Variants in NR3C2 observed in about 807,000 individuals in gnomAD.
The protein encoded by NR3C2 is nuclear receptor subfamily 3 group C member 2, also known as mineralocorticoid receptor.
Under a neutral mutation model 86.4 loss-of-function variants are expected in NR3C2, and 15 were observed. That is an observed-to-expected ratio of 0.17 (90% confidence interval 0.12 to 0.27). The LOEUF is 0.27. Among genes scored for constraint, NR3C2 ranks in the 10% least tolerant of loss-of-function variants. The pLI, the probability that NR3C2 is intolerant of heterozygous loss-of-function variation, is 1.00. For synonymous variants in NR3C2, 458 were observed against 450.5 expected (o/e 1.02, Z -0.21); for missense variants, 960 against 1,195.6 (o/e 0.80, Z 2.91).
chr4:148,365,587 T>C (rs1395571104), intron 2 of NR3C2, among the ~76,000 whole-genome samples: 1 of 152,116 alleles, frequency 6.6e-6, no homozygotes, highest in Non-Finnish European at 1.5e-5. Flanking sequence ...TATTTTAAAA[T>C]GTGATACAGT....
At chr4:148,318,732 T>C (rs1379469994) in intron 2 of NR3C2, among the ~76,000 whole-genome samples, 3 of 152,134 alleles carry the variant, frequency 2.0e-5, no homozygotes, top group Non-Finnish European at 4.4e-5. Context: ...TGTTTGTTTT[T>C]TTCTTGTAAA....
chr4:148,085,265 G>C (rs1730760071), intron 8 of NR3C2, among the ~76,000 whole-genome samples: 1 of 152,110 alleles, frequency 6.6e-6, no homozygotes, highest in Non-Finnish European at 1.5e-5. Context: ...ACACTCCTTA[G>C]CAAATGCAAA....
At chr4:148,303,190 C>A (rs1045123167) in intron 2 of NR3C2, among the ~76,000 whole-genome samples, 5 of 152,136 alleles carry the variant, frequency 3.3e-5, no homozygotes, top group African/African-American at 1.2e-4. Context: ...AAAACTTTCA[C>A]ATTTGACATT....
At position 148,080,836 on chromosome 4, in the gene NR3C2, CTGT is replaced by C. The variant is rs1182602524; in HGVS notation, c.*505_*507del. On this transcript the variant is annotated 3_prime_UTR_variant, in exon 9 of 9. Coordinates refer to ENST00000358102, the MANE Select transcript of NR3C2 (RefSeq NM_000901.5). ...CAGCTGCTGCCCCACGCCACGAGTTCTGTTATTACACAACAGGAATCTGTATAT... is the reference window on the plus strand; with the variant it reads ...CAGCTGCTGCCCCACGCCACGAGTTCTATTACACAACAGGAATCTGTATAT... 2.4e-6 allele frequency: 1 copy of C among 421,830 alleles called. No homozygotes were observed. The highest frequency in any genetic ancestry group is 2.0e-5 in the African/African-American group (1 of 49,068). 26.1% of individuals were successfully genotyped at this position (421,830 alleles called of 1,614,324 possible). A position where few individuals can be genotyped will look rare whatever the true frequency, so the allele number is the denominator to read the frequency against.
intron 3 of NR3C2, among the ~76,000 whole-genome samples, chr4:148,248,693 ACACTC>A (rs1490825655): frequency 4.6e-5 from 7 of 152,256 alleles, no homozygotes; most frequent in Admixed American, 4.6e-4. Context: ...AAGGAAGTAA[ACACTC>A]CAGGTCTTCC....
At chr4:148,250,907 A>C (rs1439859679) in intron 3 of NR3C2, among the ~76,000 whole-genome samples, 1 of 152,076 alleles carries the variant, frequency 6.6e-6, no homozygotes, top group African/African-American at 2.4e-5. Context: ...CTGCTCAAGC[A>C]GGTGTCCTCA....
chr4:148,412,493 A>G (rs867988286), intron 2 of NR3C2, among the ~76,000 whole-genome samples: 1 of 152,190 alleles, frequency 6.6e-6, no homozygotes, highest in Non-Finnish European at 1.5e-5. Context: ...TAGCCTTTCA[A>G]TAATAAAATG....
Position 148,081,528 on chromosome 4 carries a change from C to T in NR3C2, c.2800-29G>A, listed in dbSNP as rs148647140. The T allele has an allele frequency of 1.6e-3, 2,523 of 1,610,692 alleles. 32 individuals are homozygous for T. The African/African-American group carries it at 0.024, about 16-fold the overall frequency. On this transcript the variant is annotated intron_variant, in intron 8 of 8. Coordinates refer to ENST00000358102, the MANE Select transcript of NR3C2 (RefSeq NM_000901.5). ...TAACACAGACACAGGGGGCATGACA[C>T]GGGGGCCTCCTTTCCGACCCTGGAT...
At chr4:148,228,992 A>G (rs1334535973) in intron 3 of NR3C2, among the ~76,000 whole-genome samples, 1 of 152,234 alleles carries the variant, frequency 6.6e-6, no homozygotes, top group Non-Finnish European at 1.5e-5. Context: ...ATGGTGAAAG[A>G]GCTGATGACT....
intron 2 of NR3C2, among the ~76,000 whole-genome samples, chr4:148,343,332 A>G (rs1744839176): frequency 6.6e-6 from 1 of 152,096 alleles, no homozygotes; most frequent in African/African-American, 2.4e-5. Context: ...TTAACCCTTT[A>G]TTTTGGCCCA....
chr4:148,395,346 C>T (rs1473197923), intron 2 of NR3C2, among the ~76,000 whole-genome samples: 2 of 152,008 alleles, frequency 1.3e-5, no homozygotes, highest in Non-Finnish European at 2.9e-5. Context: ...TTTGGGGCAG[C>T]AATGAGATAA....
chr4:148,246,169 T>C (rs1739305835), intron 3 of NR3C2, among the ~76,000 whole-genome samples: 1 of 152,164 alleles, frequency 6.6e-6, no homozygotes, highest in African/African-American at 2.4e-5. Flanking sequence ...TTTCCATTTT[T>C]AAAAAGACTG....
chr4:148,370,520 G>A (rs1271641043), intron 2 of NR3C2, among the ~76,000 whole-genome samples: 2 of 152,014 alleles, frequency 1.3e-5, no homozygotes, highest in African/African-American at 4.8e-5. Context: ...TACTGTATGT[G>A]CGTGTATTAG....
At chr4:148,429,869 C>T (rs1749719099) in intron 2 of NR3C2, among the ~76,000 whole-genome samples, 1 of 151,986 alleles carries the variant, frequency 6.6e-6, no homozygotes, top group South Asian at 2.1e-4. Context: ...GTAAACGAAA[C>T]AAAATGATAT....
chr4:148,170,518 T>G (rs1270700929), intron 4 of NR3C2, among the ~76,000 whole-genome samples: 1 of 152,160 alleles, frequency 6.6e-6, no homozygotes, highest in Non-Finnish European at 1.5e-5. Flanking sequence ...GAAAAAAAAT[T>G]TTTTTTGAAT....
chr4:148,189,104 T>A (rs1027581891), intron 4 of NR3C2, among the ~76,000 whole-genome samples: 1 of 152,086 alleles, frequency 6.6e-6, no homozygotes, highest in African/African-American at 2.4e-5. Context: ...AATTTTTGTA[T>A]TTTTAGTAGA....
chr4:148,232,393 T>C (rs1738511972), intron 3 of NR3C2, among the ~76,000 whole-genome samples: 1 of 152,216 alleles, frequency 6.6e-6, no homozygotes. Context: ...GGTGACTAGG[T>C]GCGTTGTCAG....
intron 3 of NR3C2, among the ~76,000 whole-genome samples, chr4:148,203,089 T>A (rs1464964748): frequency 6.6e-6 from 1 of 152,250 alleles, no homozygotes; most frequent in Non-Finnish European, 1.5e-5. Context: ...GACAATAACT[T>A]ATAAAAATCG....
At chr4:148,255,071 T>C (rs1430830659) in intron 3 of NR3C2, among the ~76,000 whole-genome samples, 1 of 322 alleles carries the variant, frequency 3.1e-3, no homozygotes, top group Non-Finnish European at 8.2e-3. Flanking sequence ...AAATGCTCAC[T>C]GCCCCCCCCC....
Sources: gnomAD v4.1 joint callset for allele counts (sites outside exome capture counted in the v4.1 genomes callset) on GRCh38, gnomAD v4.1.1 for gene constraint, MANE v1.5 for transcripts, NCBI Gene and HGNC (gene_info 2026-07-23, HGNC 2026-07-21) for gene names.